Variants in NUP160 observed in about 807,000 individuals in gnomAD.
The protein encoded by NUP160 is nuclear pore complex protein Nup160.
A neutral mutation model predicts 196.9 loss-of-function variants in NUP160; 94 were observed. That is an observed-to-expected ratio of 0.48 (90% CI 0.40 to 0.57). The LOEUF (loss-of-function observed/expected upper bound fraction) is 0.57. NUP160 is among the 20% of genes least tolerant of loss of function. The probability of loss-of-function intolerance (pLI) is 0.00; values close to 1 mark genes in which losing one functional copy is unlikely to be tolerated. For missense variants in NUP160, 1,638 were observed against 1,748.3 expected (o/e 0.94, Z 1.13); for synonymous variants, 605 against 619.7 (o/e 0.98, Z 0.35).
intron 33 of NUP160, 56 bp from the exon 34 acceptor site, chr11:47,783,254 G>T: frequency 6.4e-7 from 1 of 1,563,120 alleles, no homozygotes; most frequent in South Asian, 1.2e-5. Flanking sequence ...CTTGAGTACT[G>T]ACCAAAGAAT....
intron 17 of NUP160, among the ~76,000 whole-genome samples, chr11:47,810,041 A>G (rs1486124840): frequency 6.6e-6 from 1 of 152,078 alleles, no homozygotes; most frequent in Non-Finnish European, 1.5e-5. Flanking sequence ...GTTCAGAAAA[A>G]TTGACAAAAG....
intron 31 of NUP160, 23 bp from the exon 32 acceptor site, chr11:47,786,577 C>A (rs771412103): frequency 1.4e-6 from 2 of 1,466,214 alleles, no homozygotes; most frequent in Non-Finnish European, 9.6e-7. Context: ...TGGTTCCACA[C>A]TTGAAAACTG....
chr11:47,840,563 G>A, exon 3 of NUP160: 1 of 1,609,856 alleles, frequency 6.2e-7, no homozygotes, highest in East Asian at 2.2e-5. Flanking sequence ...TCCTCCATCA[G>A]CTCCAATGTA....
At chr11:47,786,544 A>G (rs1180778033) in exon 32 of NUP160, 22 of 1,610,776 alleles carry the variant, frequency 1.4e-5, no homozygotes, top group Non-Finnish European at 1.9e-5. Flanking sequence ...CCAAATTGCA[A>G]TTTGATGCAT....
At chr11:47,811,726 T>TA (rs1307836883) in intron 17 of NUP160, among the ~76,000 whole-genome samples, 8 of 152,128 alleles carry the variant, frequency 5.3e-5, no homozygotes, top group African/African-American at 1.7e-4. Flanking sequence ...GCAGGTTTGT[T>TA]ACGTAGGTAA....
At chr11:47,847,678 C>T (rs1441970367) in intron 2 of NUP160, among the ~76,000 whole-genome samples, 170 bp downstream of exon 2, 3 of 148,432 alleles carry the variant, frequency 2.0e-5, no homozygotes, top group African/African-American at 7.4e-5. Context: ...GGTATCTCTT[C>T]TAGAACTCTG....
At chr11:47,804,285 T>C (rs2097676159) in intron 21 of NUP160, 2 of 344,270 alleles carry the variant, frequency 5.8e-6, no homozygotes, top group East Asian at 1.0e-4. Context: ...TTTTATTACT[T>C]TCTTTAAAAG....
exon 12 of NUP160, chr11:47,815,994 A>G: frequency 1.9e-6 from 3 of 1,613,910 alleles, no homozygotes; most frequent in Non-Finnish European, 2.5e-6. Flanking sequence ...CACTCCAGGA[A>G]AGATCCAAAT....
intron 7 of NUP160, among the ~76,000 whole-genome samples, chr11:47,824,010 T>C (rs965676905): frequency 6.4e-4 from 10 of 15,598 alleles, no homozygotes; most frequent in African/African-American, 1.4e-3. Flanking sequence ...TTCTTTTGCA[T>C]ATATATATAT....
Position 47,807,143 on chromosome 11 carries a change from G to A in NUP160, c.2376-3C>T. 5.6e-6 allele frequency: 9 copies of A among 1,598,802 alleles called. No individual in the cohort carries two copies. Among genetic ancestry groups the A allele is most frequent in the Non-Finnish European group, 7.7e-6 (9 of 1,166,814 alleles). Reference sequence around the variant, plus strand: ...ATAAGTGTTGGAGATTAGACTCCCTGTGAGAAAAGGGGAAAAGACAGCTTA... The same window carrying A: ...ATAAGTGTTGGAGATTAGACTCCCTATGAGAAAAGGGGAAAAGACAGCTTA... On this transcript the variant is annotated splice_region_variant and splice_polypyrimidine_tract_variant and intron_variant, in intron 18 of 35. Transcript: ENST00000378460.
chr11:47,790,213 T>C (rs1330800824), intron 29 of NUP160, among the ~76,000 whole-genome samples: 2 of 152,180 alleles, frequency 1.3e-5, no homozygotes, highest in Middle Eastern at 3.4e-3. Flanking sequence ...CCCAATGTGC[T>C]GGGATTACAG....
chr11:47,845,870 C>T (rs894306473), intron 2 of NUP160, among the ~76,000 whole-genome samples: 7 of 152,130 alleles, frequency 4.6e-5, no homozygotes, highest in South Asian at 2.1e-4. Flanking sequence ...CGGTGGCTTA[C>T]GCCTGTAATC....
chr11:47,807,785 A>G (rs955132258), intron 18 of NUP160, among the ~76,000 whole-genome samples: 1 of 152,210 alleles, frequency 6.6e-6, no homozygotes, highest in Non-Finnish European at 1.5e-5. Context: ...GTTTCATCGT[A>G]TTTTATATTC....
chr11:47,807,116 T>C (rs1565195557), exon 19 of NUP160: 2 of 1,611,932 alleles, frequency 1.2e-6, no homozygotes, highest in East Asian at 2.2e-5. Context: ...ATTCCAGTAC[T>C]GATAAGTGTT....
At chr11:47,792,282 C>A in intron 28 of NUP160, 1 of 317,908 alleles carries the variant, frequency 3.1e-6, no homozygotes. Context: ...GAAACAGCTG[C>A]ATGTATCTGA....
At position 47,816,129 on chromosome 11, in the gene NUP160, A is replaced by G. The variant is rs141082263; in HGVS notation, c.1432-100T>C. The G allele has an allele frequency of 2.0e-4, 156 of 770,226 alleles. No homozygotes were observed. In the African/African-American group the frequency reaches 2.4e-3, roughly 12 times the overall value. 47.7% of individuals were successfully genotyped at this position (770,226 alleles called of 1,614,324 possible). On this transcript the variant is annotated intron_variant, in intron 11 of 35. Transcript: ENST00000378460. The stretch of plus-strand genomic sequence containing the variant: ...TAGAGGCAATATAAAACTATATAAT[A>G]GAGATTTGGCATACCTGGAACACAC...
At chr11:47,838,161 C>T (rs1852214557) in intron 4 of NUP160, among the ~76,000 whole-genome samples, 2 of 152,096 alleles carry the variant, frequency 1.3e-5, no homozygotes, top group Admixed American at 1.3e-4. Context: ...TCAGGGAAGG[C>T]CTCAACAAGG....
At chr11:47,811,311 T>A (rs2097680952) in intron 17 of NUP160, among the ~76,000 whole-genome samples, 1 of 151,766 alleles carries the variant, frequency 6.6e-6, no homozygotes, top group African/African-American at 2.4e-5. Flanking sequence ...GAGTTTAAGA[T>A]CAGCCTGGTC....
chr11:47,790,006 C>T (rs982758050), intron 29 of NUP160, among the ~76,000 whole-genome samples: 4 of 148,914 alleles, frequency 2.7e-5, no homozygotes, highest in East Asian at 2.0e-4. Flanking sequence ...AGTGCAATGG[C>T]GCGATCTCGG....
Sources: allele counts gnomAD v4.1 joint callset (sites outside exome capture counted in the v4.1 genomes callset), GRCh38; gene constraint gnomAD v4.1.1; transcripts MANE v1.5; gene names NCBI Gene and HGNC (gene_info 2026-07-23, HGNC 2026-07-21).